Variants in SEMA5A observed in about 807,000 individuals in gnomAD.
SEMA5A encodes the protein semaphorin-5A.
In SEMA5A, 55 loss-of-function variants were observed where a neutral mutation model predicts 135.5. The ratio of observed to expected loss-of-function variants is 0.41; its 90% CI spans 0.33 to 0.51. The LOEUF is 0.51. Ranked by LOEUF, SEMA5A falls within the 20% of genes least tolerant of loss-of-function variation. The pLI is 0.37. For missense variants in SEMA5A, 1,290 were observed against 1,419.9 expected, an observed-to-expected ratio of 0.91 and a Z score of 1.47; for synonymous variants, 580 against 546.5, an observed-to-expected ratio of 1.06 and a Z score of -0.85.
At chr5:9,274,797 C>G (rs1357404905) in intron 5 of SEMA5A, among the ~76,000 whole-genome samples, 1 of 152,108 alleles carries the variant, frequency 6.6e-6, no homozygotes, top group Admixed American at 6.5e-5. Context: ...AACAAAGACA[C>G]AATGTACCAG....
In SEMA5A at chr5:9,427,382, A is replaced by G. The variant is rs141166882; in HGVS notation, c.-78+10374T>C. 4.0e-3 allele frequency among the ~76,000 whole-genome samples: 602 copies of G among 152,270 alleles called. 4 individuals are homozygous for G. The highest frequency in any genetic ancestry group is 0.014 in the African/African-American group (577 of 41,558). On this transcript the variant is annotated intron_variant, in intron 2 of 22. Coordinates refer to ENST00000382496, the MANE Select transcript of SEMA5A (RefSeq NM_003966.3). ...TGATAAAGTAAACATACAACTACAT[A>G]TCAAGTTGAGTCGAGAAGAAAGGAA...
rs140682799 is a variant in SEMA5A at position 9,046,889 on chromosome 5, C to T, written c.2894-2305G>A. Among the ~76,000 whole-genome samples, 17 of 152,306 alleles carry T rather than the reference C, an allele frequency of 1.1e-4. No individual in the cohort carries two copies. The East Asian group carries it at 3.3e-3, about 29-fold the overall frequency. On this transcript the variant is annotated intron_variant, in intron 21 of 22. Coordinates refer to ENST00000382496, the MANE Select transcript of SEMA5A (RefSeq NM_003966.3). The stretch of plus-strand genomic sequence containing the variant: ...GAAGTGCCAGTGGATAATGCAGTTC[C>T]CAGCACAGTCCTGATCACTCACTCA...
rs1164886238 is a variant in SEMA5A at position 9,204,289 on chromosome 5, C to T, written c.647-2049G>A. 6.6e-6 allele frequency among the ~76,000 whole-genome samples: 1 copy of T among 152,142 alleles called. No individual in the cohort carries two copies. The highest frequency in any genetic ancestry group is 6.5e-5 in the Admixed American group (1 of 15,268). On this transcript the variant is annotated intron_variant, in intron 8 of 22. Transcript: ENST00000382496. This position sits in a 1 kb window ranked among gnomAD's most constrained non-coding sequence, Gnocchi z 6.4. ...GGGTCCAAGTGTGTCTAGCCCGGGA[C>T]TTAGGTTACCAGCACACATGCAGGA...
At chr5:9,044,939 C>G (rs921085432) in intron 21 of SEMA5A, among the ~76,000 whole-genome samples, 7 of 152,050 alleles carry the variant, frequency 4.6e-5, no homozygotes, top group African/African-American at 1.2e-4. Flanking sequence ...CATGTGCCAC[C>G]ATGCCTGGCT....
At chr5:9,491,625 A>G (rs1019966219) in intron 1 of SEMA5A, among the ~76,000 whole-genome samples, 4 of 152,234 alleles carry the variant, frequency 2.6e-5, no homozygotes, top group Non-Finnish European at 5.9e-5. Flanking sequence ...GATTTCTATC[A>G]TCAACTTCAG....
chr5:9,197,734 G>A (rs867130711), intron 9 of SEMA5A, among the ~76,000 whole-genome samples: 219 of 59,626 alleles, frequency 3.7e-3, no homozygotes, highest in Admixed American at 5.7e-3. Context: ...CTGTTTGTGT[G>A]TGTGTGTGTG....
intron 4 of SEMA5A, among the ~76,000 whole-genome samples, chr5:9,323,190 T>A (rs1752707387): frequency 6.6e-6 from 1 of 152,260 alleles, no homozygotes; most frequent in Non-Finnish European, 1.5e-5. Flanking sequence ...ATTATCTCAA[T>A]GTATTTAAAT....
chr5:9,483,774 C>T (rs943482025), intron 1 of SEMA5A, among the ~76,000 whole-genome samples: 2 of 152,070 alleles, frequency 1.3e-5, no homozygotes, highest in African/African-American at 2.4e-5. Flanking sequence ...AACATTGAAA[C>T]AGCTTATGTT....
intron 1 of SEMA5A, among the ~76,000 whole-genome samples, chr5:9,458,780 A>G (rs753989862): frequency 2.0e-5 from 3 of 152,222 alleles, no homozygotes; most frequent in African/African-American, 4.8e-5. Context: ...ATGAGCATCA[A>G]TTTGGGAGGA....
chr5:9,227,551 A>ATTT (rs10691747), intron 6 of SEMA5A, among the ~76,000 whole-genome samples: 5,623 of 141,014 alleles, frequency 0.04, 234 homozygotes, highest in Non-Finnish European at 0.06. Context: ...ATCTATATGA[A>ATTT]TTTTTTTTTT....
intron 1 of SEMA5A, among the ~76,000 whole-genome samples, chr5:9,442,888 T>C (rs1490441185): frequency 6.6e-6 from 1 of 152,170 alleles, no homozygotes; most frequent in Non-Finnish European, 1.5e-5. Context: ...ATAAACTAAA[T>C]GACGAAAATC....
At chr5:9,502,258 G>A (rs887058822) in intron 1 of SEMA5A, among the ~76,000 whole-genome samples, 1 of 152,158 alleles carries the variant, frequency 6.6e-6, no homozygotes, top group Admixed American at 6.5e-5. Flanking sequence ...GACAGAGGAT[G>A]GGTGTAACAC....
intron 8 of SEMA5A, among the ~76,000 whole-genome samples, chr5:9,205,187 C>T (rs1165060604): frequency 6.6e-6 from 1 of 152,134 alleles, no homozygotes; most frequent in Non-Finnish European, 1.5e-5. Flanking sequence ...CTTGGCTGGA[C>T]AGTCATCTTT....
chr5:9,353,098 G>GGAAAGGAAAGGAAAGGAAAGGA (rs1561176710), intron 3 of SEMA5A, among the ~76,000 whole-genome samples: 2 of 21,792 alleles, frequency 9.2e-5, no homozygotes, highest in Non-Finnish European at 1.5e-4. Flanking sequence ...GGAAAGGAAG[G>GGAAAGGAAAGGAAAGGAAAGGA]AAGGAAAGGA....
In SEMA5A at chr5:9,407,536, A is replaced by G. The variant is rs192701487; in HGVS notation, c.-77-27513T>C. 2.2e-4 allele frequency among the ~76,000 whole-genome samples: 34 copies of G among 152,384 alleles called. No homozygotes were observed. In the East Asian group the frequency reaches 6.6e-3, roughly 29 times the overall value. On this transcript the variant is annotated intron_variant, in intron 2 of 22. Transcript: ENST00000382496. ...TTTAACACATTTCTAAAACTTAAGC[A>G]GGAACCACAAACCTCCAAGGGAAGT...
intron 5 of SEMA5A, chr5:9,265,529 C>A (rs1468582161): frequency 4.4e-6 from 2 of 456,380 alleles, no homozygotes; most frequent in South Asian, 3.1e-5. Context: ...GTGTGCGGTC[C>A]TCCTGCTCCA....
At position 9,254,593 on chromosome 5, in the gene SEMA5A, G is replaced by T. The variant is rs76427917; in HGVS notation, c.271-16703C>A. Among the ~76,000 whole-genome samples the T allele has an allele frequency of 9.3e-3, 1,413 of 152,222 alleles. 25 individuals carry two copies. The highest frequency in any genetic ancestry group is 0.085 in the South Asian group (412 of 4,826). ...GAAAAACAGGAAAGGTCAGACCATG[G>T]TGTTTCATACAGGATATTGTTTGAA... On this transcript the variant is annotated intron_variant, in intron 5 of 22. Transcript: ENST00000382496.
chr5:9,222,736 T>A (rs1747075749), intron 8 of SEMA5A, among the ~76,000 whole-genome samples: 1 of 152,252 alleles, frequency 6.6e-6, no homozygotes, highest in Non-Finnish European at 1.5e-5. Context: ...GCTCTTCCAT[T>A]GCCTGGATGG....
At chr5:9,535,569 G>T (rs1737713908) in intron 1 of SEMA5A, among the ~76,000 whole-genome samples, 1 of 83,226 alleles carries the variant, frequency 1.2e-5, no homozygotes, top group African/African-American at 5.9e-5. Flanking sequence ...AGTATGTGTT[G>T]TTTAAAAAAA....
Sources: gnomAD v4.1 joint callset for allele counts (sites outside exome capture counted in the v4.1 genomes callset) on GRCh38, gnomAD v4.1.1 for gene constraint, Gnocchi (gnomAD v3.1) non-coding constraint, MANE v1.5 for transcripts, NCBI Gene and HGNC (gene_info 2026-07-23, HGNC 2026-07-21) for gene names.